STRN3: variants seen among roughly 807,000 people sequenced by gnomAD.
The protein encoded by STRN3 is striatin 3.
A neutral mutation model predicts 95.6 loss-of-function variants in STRN3; 29 were observed. The observed-to-expected ratio is 0.30, with a 90% CI of 0.23 to 0.41. The LOEUF (loss-of-function observed/expected upper bound fraction) is 0.41. Among genes scored for constraint, STRN3 ranks in the 10% least tolerant of loss-of-function variants. The probability of loss-of-function intolerance (pLI) is 1.00; values close to 1 mark genes in which losing one functional copy is unlikely to be tolerated. For missense variants in STRN3, 890 were observed against 972.1 expected, an observed-to-expected ratio of 0.92 and a Z score of 1.12; for synonymous variants, 331 against 357.6, an observed-to-expected ratio of 0.93 and a Z score of 0.84.
intron 7 of STRN3, among the ~76,000 whole-genome samples, chr14:30,929,967 A>AAAAAACAAAAAAAAAC (rs1878429462): frequency 5.5e-5 from 5 of 91,122 alleles, no homozygotes; most frequent in Admixed American, 1.4e-4. Flanking sequence ...AAAAAAAAAA[A>AAAAAACAAAAAAAAAC]AAAAAAAAAA....
chr14:30,982,393 C>T (rs1402267090), intron 1 of STRN3, among the ~76,000 whole-genome samples: 3 of 152,068 alleles, frequency 2.0e-5, no homozygotes, highest in African/African-American at 4.8e-5. Flanking sequence ...CTGCAACCTC[C>T]GCATCCCGGG....
At chr14:31,013,861 A>ATTTTAT (rs1883089295) in intron 1 of STRN3, among the ~76,000 whole-genome samples, 1 of 105,062 alleles carries the variant, frequency 9.5e-6, no homozygotes, top group East Asian at 2.3e-4. Flanking sequence ...TCTCAAAGCA[A>ATTTTAT]TTTTATTATT....
At chr14:31,018,083 T>TA (rs11438099) in intron 1 of STRN3, among the ~76,000 whole-genome samples, 25,946 of 128,448 alleles carry the variant, frequency 0.2, 2,861 homozygotes, top group Middle Eastern at 0.28. Flanking sequence ...TGCCTCAATT[T>TA]AAAAAAAAAA....
At chr14:30,990,457 C>T (rs1042562623) in intron 1 of STRN3, among the ~76,000 whole-genome samples, 3 of 151,968 alleles carry the variant, frequency 2.0e-5, no homozygotes, top group African/African-American at 7.3e-5. Context: ...CCTGAGCCAC[C>T]GCGCCCGGCC....
At position 30,938,263 on chromosome 14, in the gene STRN3, TAGG is replaced by T. The variant is rs541997355; in HGVS notation, c.717-1642_717-1640del. On this transcript the variant is annotated intron_variant, in intron 5 of 17. Transcript: ENST00000357479. ...AAAGGAACTGTATAATGACTGAATGTAGGAGATGGTTTCTTCAAATGCAAATTA... is the reference window on the plus strand; with the variant it reads ...AAAGGAACTGTATAATGACTGAATGTAGATGGTTTCTTCAAATGCAAATTA... Among the ~76,000 whole-genome samples the T allele has an allele frequency of 2.1e-3, 325 of 152,204 alleles. 1 individual carries two copies. Among genetic ancestry groups the T allele is most frequent in the African/African-American group, 7.5e-3 (313 of 41,544 alleles).
chr14:31,024,965 C>T (rs1226318067), intron 1 of STRN3: 1 of 152,188 alleles, frequency 6.6e-6, no homozygotes, highest in African/African-American at 2.4e-5. Flanking sequence ...CCAACAGCTT[C>T]CAAATGTGCA....
chr14:30,909,910 C>G (rs542478052), intron 13 of STRN3, among the ~76,000 whole-genome samples: 1 of 152,342 alleles, frequency 6.6e-6, no homozygotes, highest in East Asian at 1.9e-4. Flanking sequence ...TAAATCCTGT[C>G]TATTCTACCA....
intron 1 of STRN3, among the ~76,000 whole-genome samples, chr14:30,977,865 A>G (rs1447425412): frequency 2.0e-5 from 3 of 151,984 alleles, no homozygotes; most frequent in Non-Finnish European, 4.4e-5. Flanking sequence ...TTAAAAGGAA[A>G]ATAAAAATTA....
chr14:30,922,560 T>G (rs894421552), intron 8 of STRN3, among the ~76,000 whole-genome samples: 1 of 152,174 alleles, frequency 6.6e-6, no homozygotes, highest in African/African-American at 2.4e-5. Flanking sequence ...AATAGTACTT[T>G]TGAACAAATC....
At chr14:31,009,329 T>C (rs1336559524) in intron 1 of STRN3, among the ~76,000 whole-genome samples, 1 of 152,034 alleles carries the variant, frequency 6.6e-6, no homozygotes, top group Non-Finnish European at 1.5e-5. Flanking sequence ...TAATATTTTA[T>C]TTGGGACATG....
At chr14:30,949,587 G>T (rs1879539419) in intron 4 of STRN3, among the ~76,000 whole-genome samples, 1 of 152,302 alleles carries the variant, frequency 6.6e-6, no homozygotes, top group Admixed American at 6.5e-5. Flanking sequence ...CTCCAGCTAA[G>T]GGAGGAGAAT....
intron 1 of STRN3, among the ~76,000 whole-genome samples, chr14:30,974,964 A>G (rs537537863): frequency 5.9e-5 from 9 of 151,450 alleles, no homozygotes; most frequent in Non-Finnish European, 1.3e-4. Flanking sequence ...CAAATGCACT[A>G]ATGTGAAGTA....
intron 5 of STRN3, among the ~76,000 whole-genome samples, chr14:30,941,226 A>G (rs1879078115): frequency 6.6e-6 from 1 of 152,202 alleles, no homozygotes; most frequent in African/African-American, 2.4e-5. Context: ...GCCCAGAAGG[A>G]CTAAGAATAT....
At chr14:31,009,415 G>A (rs921747170) in intron 1 of STRN3, among the ~76,000 whole-genome samples, 14 of 152,120 alleles carry the variant, frequency 9.2e-5, no homozygotes. Context: ...GCCTCCAAAT[G>A]TGATAACCAA....
chr14:30,900,448 G>GGC (rs1182508611), intron 16 of STRN3, among the ~76,000 whole-genome samples: 4 of 148,246 alleles, frequency 2.7e-5, no homozygotes, highest in Non-Finnish European at 6.0e-5. Context: ...TGGGGCGGGG[G>GGC]GGGGCGGTGT....
chr14:30,913,447 C>T, intron 10 of STRN3, 77 bp downstream of exon 10: 5 of 1,379,958 alleles, frequency 3.6e-6, no homozygotes, highest in Non-Finnish European at 4.8e-6. Flanking sequence ...GATATTAATT[C>T]TGTTTTATAA....
At chr14:30,964,708 T>A (rs1880389172) in intron 1 of STRN3, 1 of 152,364 alleles carries the variant, frequency 6.6e-6, no homozygotes, top group Non-Finnish European at 1.5e-5. Flanking sequence ...TCACCTGAGG[T>A]CAGCAGTTTG....
chr14:30,951,152 C>T (rs1431044062), intron 3 of STRN3, among the ~76,000 whole-genome samples: 1 of 152,122 alleles, frequency 6.6e-6, no homozygotes, highest in Non-Finnish European at 1.5e-5. Flanking sequence ...CTATGTCCCC[C>T]ATTTTAAAAC....
intron 5 of STRN3, among the ~76,000 whole-genome samples, chr14:30,940,952 T>C (rs1879062909): frequency 6.6e-6 from 1 of 151,984 alleles, no homozygotes; most frequent in Non-Finnish European, 1.5e-5. Flanking sequence ...TATTAAGAGG[T>C]GGGCCTTTGG....
Sources: gnomAD v4.1 joint callset for allele counts (sites outside exome capture counted in the v4.1 genomes callset) on GRCh38, gnomAD v4.1.1 for gene constraint, MANE v1.5 for transcripts, NCBI Gene and HGNC (gene_info 2026-07-23, HGNC 2026-07-21) for gene names.